MKNK2: variants seen among roughly 807,000 people sequenced by gnomAD.
MKNK2 encodes the protein MAPK interacting serine/threonine kinase 2, also known as MAP kinase-interacting serine/threonine-protein kinase 2.
Under a neutral mutation model 55.0 loss-of-function variants are expected in MKNK2, and 54 were observed. The ratio of observed to expected loss-of-function variants is 0.98; its 90% confidence interval spans 0.79 to 1.23. The LOEUF is 1.23. Ranked by LOEUF, MKNK2 falls within the 50% of genes most tolerant of loss-of-function variation. The pLI is 0.00. For missense variants in MKNK2, 685 were observed against 632.1 expected (o/e 1.08, Z -0.90); for synonymous variants, 323 against 256.0 (o/e 1.26, Z -2.50).
chr19:2,037,831 T>G lies in MKNK2; in HGVS notation c.*1782A>C. On this transcript the variant is annotated 3_prime_UTR_variant, in exon 14 of 14. Transcript: ENST00000250896. The stretch of plus-strand genomic sequence containing the variant: ...GGGAGGAGGAAGTGACTGTCCCACC[T>G]TCAGAAAAAAAAAAAAAAACAAACA... 1 of 1,576,608 alleles carries G rather than the reference T, an allele frequency of 6.3e-7. No homozygotes were observed. Among genetic ancestry groups the G allele is most frequent in the Non-Finnish European group, 8.6e-7 (1 of 1,161,566 alleles).
chr19:2,050,790 C>A lies in MKNK2; in HGVS notation c.51+11G>T, dbSNP rs930257691. On this transcript the variant is annotated intron_variant, in intron 2 of 13. Coordinates refer to ENST00000250896, the MANE Select transcript of MKNK2 (RefSeq NM_199054.3). ...AGCCCGGAGCGCCCCCAAACCGACC[C>A]CGGGCCTCACCTTGAACGAACGGTG... 1 of 1,536,294 alleles carries A rather than the reference C, an allele frequency of 6.5e-7. No individual in the cohort carries two copies. Among genetic ancestry groups the A allele is most frequent in the Non-Finnish European group, 8.8e-7 (1 of 1,141,428 alleles).
rs2016920622 is a variant in MKNK2 at position 2,042,832 on chromosome 19, T to G, written c.532A>C (p.Asn178His). ...ACCACCACGCTGGCCTCCAGCTCGT[T>G]GAAGTGCCGGCGCTTGTGGATGTGG... ...LSHIHKRRHF[N>H]ELEASVVVQD... The change falls in exon 8 of 14, where the codon AAC (asparagine) becomes CAC (histidine). Residue 178 changes from asparagine to histidine, a missense_variant. By Grantham distance (68) the Asn-to-His change is moderately conservative. Coordinates refer to ENST00000250896, the MANE Select transcript of MKNK2 (RefSeq NM_199054.3). 1 of 1,576,456 alleles carries G rather than the reference T, an allele frequency of 6.3e-7. No homozygotes were observed. Among genetic ancestry groups the G allele is most frequent in the Non-Finnish European group, 8.6e-7 (1 of 1,160,802 alleles).
rs1404822996 is a variant in MKNK2, at chr19:2,038,521, G to A, written c.*1092C>T. On this transcript the variant is annotated 3_prime_UTR_variant, in exon 14 of 14. Coordinates refer to ENST00000250896, the MANE Select transcript of MKNK2 (RefSeq NM_199054.3). ...ACCCCCGCATTCCTGGGTGCCCGAA[G>A]GGAGGCCGAGGCCGCAGCCGTTTTC... 11 of 985,534 alleles carry A rather than the reference G, an allele frequency of 1.1e-5. No individual in the cohort carries two copies. The highest frequency in any genetic ancestry group is 1.3e-5 in the Non-Finnish European group (11 of 830,032). The allele number at this position is 985,534 out of a possible 1,614,324, so 61.0% of individuals were successfully genotyped here. A position where few individuals can be genotyped will look rare whatever the true frequency, so the allele number is the denominator to read the frequency against.
chr19:2,038,979 A>G lies in MKNK2; in HGVS notation c.*634T>C. ...CAGGAAGCCCCGATTGTCAACTATC[A>G]TGGGGACAAGGCAGGCGCGGGTGAA... On this transcript the variant is annotated 3_prime_UTR_variant, in exon 14 of 14. Coordinates refer to ENST00000250896, the MANE Select transcript of MKNK2 (RefSeq NM_199054.3). 2 of 981,330 alleles carry G rather than the reference A, an allele frequency of 2.0e-6. No homozygotes were observed. The highest frequency in any genetic ancestry group is 2.4e-6 in the Non-Finnish European group (2 of 828,112). 60.8% of individuals were successfully genotyped at this position (981,330 alleles called of 1,614,324 possible). A position where few individuals can be genotyped will look rare whatever the true frequency, so the allele number is the denominator to read the frequency against.
intron 2 of MKNK2, 89 bp downstream of exon 2, chr19:2,050,712 G>T: frequency 7.8e-7 from 1 of 1,280,982 alleles, no homozygotes; most frequent in Non-Finnish European, 1.1e-6. Context: ...AGCCCCGGGA[G>T]CCGATCTTAG....
rs972531342 is a variant in MKNK2 at position 2,037,971 on chromosome 19, G to A, written c.*1642C>T. On this transcript the variant is annotated 3_prime_UTR_variant, in exon 14 of 14. Transcript: ENST00000250896. ...AAAAAGGCAGAGAATCCCCCGTTAC[G>A]AAACATGGAATCACTGACAGGCGAG... 6.1e-5 allele frequency: 84 copies of A among 1,381,966 alleles called. No individual in the cohort carries two copies. Among genetic ancestry groups the A allele is most frequent in the Middle Eastern group, 5.5e-4 (2 of 3,606 alleles). The allele number at this position is 1,381,966 out of a possible 1,614,324, so 85.6% of individuals were successfully genotyped here.
intron 2 of MKNK2, among the ~76,000 whole-genome samples, chr19:2,047,945 G>A (rs1320504292): frequency 6.6e-6 from 1 of 151,788 alleles, no homozygotes; most frequent in Non-Finnish European, 1.5e-5. Context: ...CTACGCCCCC[G>A]CCACCCACCA....
At position 2,038,496 on chromosome 19, in the gene MKNK2, A is replaced by G; in HGVS notation, c.*1117T>C. 2.0e-6 allele frequency: 2 copies of G among 984,934 alleles called. No individual in the cohort carries two copies. The highest frequency in any genetic ancestry group is 2.4e-6 in the Non-Finnish European group (2 of 829,834). 61.0% of individuals were successfully genotyped at this position (984,934 alleles called of 1,614,324 possible). On this transcript the variant is annotated 3_prime_UTR_variant, in exon 14 of 14. Coordinates refer to ENST00000250896, the MANE Select transcript of MKNK2 (RefSeq NM_199054.3). ...CATGGAGGGTGGGGGGACTGAGCAG[A>G]CCCCCGCATTCCTGGGTGCCCGAAG...
chr19:2,037,651 T>TG lies in MKNK2; in HGVS notation c.*1961_*1962insC. ...TTGAGGTTTTTTTTTTTTTTTTGTC[T>TG]TTTAAAAACATCGTAACATTAACAC... On this transcript the variant is annotated 3_prime_UTR_variant, in exon 14 of 14. Coordinates refer to ENST00000250896, the MANE Select transcript of MKNK2 (RefSeq NM_199054.3). 1 of 947,658 alleles carries TG rather than the reference T, an allele frequency of 1.1e-6. No homozygotes were observed. The highest frequency in any genetic ancestry group is 1.4e-6 in the Non-Finnish European group (1 of 697,198). 58.7% of individuals were successfully genotyped at this position (947,658 alleles called of 1,614,324 possible). A position where few individuals can be genotyped will look rare whatever the true frequency, so the allele number is the denominator to read the frequency against.
intron 12 of MKNK2, chr19:2,040,422 A>G: frequency 2.0e-6 from 1 of 511,852 alleles, no homozygotes; most frequent in Non-Finnish European, 3.4e-6. Context: ...TACAGGACCC[A>G]GTGAGGGTGG....
chr19:2,046,645 T>A lies in MKNK2; in HGVS notation c.98A>T (p.His33Leu). The A allele has an allele frequency of 6.4e-7, 1 of 1,562,328 alleles. No individual in the cohort carries two copies. Among genetic ancestry groups the A allele is most frequent in the Non-Finnish European group, 8.7e-7 (1 of 1,154,878 alleles). Residue 33 changes from histidine (H) to leucine (L), a missense_variant, in exon 3 of 14, where the codon CAC becomes CTC. Transcript: ENST00000250896. ...CTGCAGGCCAAAGTCAGAGTCTCCG[T>A]GGTCGGGCTGGTCTAGGGAGAAGGC... ...ELAFSLDQPD[H>L]GDSDFGLQCS... is the part of the protein sequence containing the mutation.
At chr19:2,047,426 A>G (rs2040138410) in intron 2 of MKNK2, among the ~76,000 whole-genome samples, 1 of 152,042 alleles carries the variant, frequency 6.6e-6, no homozygotes, top group African/African-American at 2.4e-5. Flanking sequence ...CGGGGAGGGG[A>G]CAGACACAAG....
intron 2 of MKNK2, among the ~76,000 whole-genome samples, chr19:2,047,030 C>A (rs2017015900): frequency 6.6e-6 from 1 of 152,168 alleles, no homozygotes; most frequent in African/African-American, 2.4e-5. Context: ...AAACCCCTGG[C>A]CTCAAGCGAT....
In MKNK2 at chr19:2,042,850, G is replaced by T. The variant is rs763807583; in HGVS notation, c.514C>A (p.His172Asn). The T allele has an allele frequency of 1.3e-6, 2 of 1,572,158 alleles. No individual in the cohort carries two copies. The highest frequency in any genetic ancestry group is 1.1e-5 in the South Asian group (1 of 86,982). ...AGCTCGTTGAAGTGCCGGCGCTTGT[G>T]GATGTGGCTCAGGATGGAGCCTGGG... is the stretch of plus-strand genomic sequence containing the variant. ...MRGGSILSHIHKRRHFNELEA... is the reference protein window; with the variant it reads ...MRGGSILSHINKRRHFNELEA... The change falls in exon 8 of 14, where the codon CAC becomes AAC. Residue 172 changes from histidine to asparagine, a missense_variant. His to Asn is a moderately conservative substitution (Grantham distance 68). Coordinates refer to ENST00000250896, the MANE Select transcript of MKNK2 (RefSeq NM_199054.3).
intron 5 of MKNK2, among the ~76,000 whole-genome samples, chr19:2,044,185 C>T (rs564372424): frequency 1.1e-4 from 17 of 152,034 alleles, no homozygotes; most frequent in Non-Finnish European, 1.3e-4. Flanking sequence ...TACCTGGTCA[C>T]CCATAGAACT....
chr19:2,048,739 A>G (rs1309731223), intron 2 of MKNK2, among the ~76,000 whole-genome samples: 2 of 151,142 alleles, frequency 1.3e-5, no homozygotes, highest in Non-Finnish European at 2.9e-5. Context: ...CTGCCTCCCC[A>G]CCCACCCTGG....
intron 5 of MKNK2, among the ~76,000 whole-genome samples, chr19:2,044,067 T>C (rs1046649513): frequency 4.7e-5 from 7 of 149,886 alleles, no homozygotes; most frequent in South Asian, 2.1e-4. Context: ...TTGAGACCTA[T>C]GACTTCTGCA....
Position 2,038,243 on chromosome 19 carries a change from T to C in MKNK2, c.*1370A>G. The C allele has an allele frequency of 1.0e-6, 1 of 986,496 alleles. No homozygotes were observed. The highest frequency in any genetic ancestry group is 1.2e-6 in the Non-Finnish European group (1 of 832,600). The allele number at this position is 986,496 out of a possible 1,614,324, so 61.1% of individuals were successfully genotyped here. The stretch of plus-strand genomic sequence containing the variant: ...AACAGGGAAGCAAAGTCCATCGATG[T>C]GTTGTTTTTTTTTAAGGAAAAACTA... On this transcript the variant is annotated 3_prime_UTR_variant, in exon 14 of 14. Transcript: ENST00000250896.
In MKNK2 at chr19:2,037,733, G is replaced by A; in HGVS notation, c.*1880C>T. ...CTGGCCTGGGGCCCAGGGTCCTCCAGGATCTTCACTCATTCACAGTAACGG... is the reference window on the plus strand; with the variant it reads ...CTGGCCTGGGGCCCAGGGTCCTCCAAGATCTTCACTCATTCACAGTAACGG... On this transcript the variant is annotated 3_prime_UTR_variant, in exon 14 of 14. Coordinates refer to ENST00000250896, the MANE Select transcript of MKNK2 (RefSeq NM_199054.3). 6.3e-7 allele frequency: 1 copy of A among 1,582,386 alleles called. No individual in the cohort carries two copies. Among genetic ancestry groups the A allele is most frequent in the East Asian group, 2.3e-5 (1 of 44,288 alleles).
Sources: gnomAD v4.1 joint callset for allele counts (sites outside exome capture counted in the v4.1 genomes callset) on GRCh38, gnomAD v4.1.1 for gene constraint, MANE v1.5 for transcripts, NCBI Gene and HGNC (gene_info 2026-07-23, HGNC 2026-07-21) for gene names.